CYP19A1: variants seen among roughly 807,000 people sequenced by gnomAD.
CYP19A1 encodes aromatase.
A neutral mutation model predicts 44.4 loss-of-function variants in CYP19A1; 32 were observed. The observed-to-expected ratio is 0.72, with a 90% CI of 0.54 to 0.97. The LOEUF (loss-of-function observed/expected upper bound fraction) is 0.97, where lower values mean the gene tolerates loss of function less well. CYP19A1 is among the 50% of genes least tolerant of loss of function. The pLI is 0.00. For synonymous variants in CYP19A1, 212 were observed against 215.6 expected (o/e 0.98, Z 0.14); for missense variants, 598 against 637.8 (o/e 0.94, Z 0.67).
chr15:51,233,263 G>A (rs1312027921), intron 3 of CYP19A1, among the ~76,000 whole-genome samples: 5 of 152,180 alleles, frequency 3.3e-5, no homozygotes, highest in East Asian at 3.9e-4. Context: ...TGGTTTGCCC[G>A]GGACTATGCC....
At chr15:51,268,623 T>G (rs764802495) in intron 1 of CYP19A1, among the ~76,000 whole-genome samples, 9 of 150,984 alleles carry the variant, frequency 6.0e-5, no homozygotes, top group Non-Finnish European at 8.9e-5. Flanking sequence ...AGTAAAAATC[T>G]AACAGTGGCT....
chr15:51,212,161 C>T, intron 9 of CYP19A1, 159 bp downstream of exon 9: 8 of 709,994 alleles, frequency 1.1e-5, no homozygotes, highest in South Asian at 1.1e-4. Flanking sequence ...ATACGGGAGC[C>T]CTGCTCCAAG....
chr15:51,328,944 C>T (rs948070015), intron 1 of CYP19A1, among the ~76,000 whole-genome samples: 4 of 152,224 alleles, frequency 2.6e-5, no homozygotes, highest in Non-Finnish European at 5.9e-5. Context: ...CAGATACAAA[C>T]TGAAACATTG....
chr15:51,260,123 C>T (rs964235062), intron 1 of CYP19A1, among the ~76,000 whole-genome samples: 12 of 152,214 alleles, frequency 7.9e-5, no homozygotes, highest in African/African-American at 2.7e-4. Flanking sequence ...GTGAGGCAAT[C>T]TTTCTTGTCT....
In CYP19A1 at chr15:51,326,533, T is replaced by G. The variant is rs190412960; in HGVS notation, c.-39+11962A>C. On this transcript the variant is annotated intron_variant, in intron 1 of 9. Transcript: ENST00000396402. ...ATCCCAGGGATCTAGACTTTCAATTTTCTTTATCAGATTTGTCCAAAATCA... is the reference window on the plus strand; with the variant it reads ...ATCCCAGGGATCTAGACTTTCAATTGTCTTTATCAGATTTGTCCAAAATCA... 2.0e-3 allele frequency among the ~76,000 whole-genome samples: 308 copies of G among 152,362 alleles called. 1 individual carries two copies. Among genetic ancestry groups the G allele is most frequent in the African/African-American group, 7.1e-3 (297 of 41,578 alleles).
At chr15:51,224,320 C>G (rs1157813914) in intron 4 of CYP19A1, among the ~76,000 whole-genome samples, 2 of 152,206 alleles carry the variant, frequency 1.3e-5, no homozygotes, top group African/African-American at 4.8e-5. Flanking sequence ...GGGAGTCTAA[C>G]TCCAAAAGGA....
At chr15:51,330,899 A>G (rs1307018254) in intron 1 of CYP19A1, among the ~76,000 whole-genome samples, 3 of 152,204 alleles carry the variant, frequency 2.0e-5, no homozygotes, top group African/African-American at 7.2e-5. Flanking sequence ...ATAAGTCATC[A>G]GCGACCTTGG....
intron 1 of CYP19A1, among the ~76,000 whole-genome samples, chr15:51,315,247 G>T (rs1367752081): frequency 6.6e-6 from 1 of 152,128 alleles, no homozygotes; most frequent in African/African-American, 2.4e-5. Context: ...CCGGTCAGAA[G>T]GTTATGCGTG....
At chr15:51,254,015 G>A (rs1466671229) in intron 1 of CYP19A1, among the ~76,000 whole-genome samples, 1 of 152,160 alleles carries the variant, frequency 6.6e-6, no homozygotes, top group Non-Finnish European at 1.5e-5. Context: ...GTGTTAGGAA[G>A]CAATAATATC....
intron 1 of CYP19A1, among the ~76,000 whole-genome samples, chr15:51,325,945 C>A (rs2036602168): frequency 6.6e-6 from 1 of 151,352 alleles, no homozygotes; most frequent in Non-Finnish European, 1.5e-5. Context: ...CTTACATTAG[C>A]GTACAATTAG....
At chr15:51,277,021 AAAAGAG>A (rs773039847) in intron 1 of CYP19A1, 3 of 151,850 alleles carry the variant, frequency 2.0e-5, no homozygotes, top group Non-Finnish European at 4.4e-5. Flanking sequence ...GGCACAAAAA[AAAAGAG>A]AGAGAGAGAA....
At chr15:51,282,734 C>T (rs182812715) in intron 1 of CYP19A1, among the ~76,000 whole-genome samples, 2 of 152,236 alleles carry the variant, frequency 1.3e-5, no homozygotes, top group Non-Finnish European at 2.9e-5. Context: ...GGTGAAGGAA[C>T]ACTAGAGCAT....
chr15:51,306,859 T>C (rs1486745109), intron 1 of CYP19A1, among the ~76,000 whole-genome samples: 1 of 152,182 alleles, frequency 6.6e-6, no homozygotes, highest in East Asian at 1.9e-4. Context: ...AAGCCCTTCT[T>C]GGAAGGAAGG....
At chr15:51,321,108 A>T (rs1349129499) in intron 1 of CYP19A1, 1 of 152,812 alleles carries the variant, frequency 6.5e-6, no homozygotes, top group Non-Finnish European at 1.5e-5. Context: ...TACTTCATCC[A>T]GGGCCTTGCT....
At chr15:51,309,101 C>A (rs977155321) in intron 1 of CYP19A1, among the ~76,000 whole-genome samples, 4 of 152,046 alleles carry the variant, frequency 2.6e-5, no homozygotes, top group Admixed American at 2.6e-4. Context: ...AAATTGAATC[C>A]CCAGTGTGAT....
rs571763351 is a variant in CYP19A1, at chr15:51,289,985, T to C, written c.-38-47035A>G. ...ACTAAATGCCAAGCCTACTACTGAGTGAGTGGAAGTGATATAGCAGGCCTG... is the reference window on the plus strand; with the variant it reads ...ACTAAATGCCAAGCCTACTACTGAGCGAGTGGAAGTGATATAGCAGGCCTG... On this transcript the variant is annotated intron_variant, in intron 1 of 9. Coordinates refer to ENST00000396402, the MANE Select transcript of CYP19A1 (RefSeq NM_000103.4). 2.6e-5 allele frequency among the ~76,000 whole-genome samples: 4 copies of C among 152,152 alleles called. No homozygotes were observed. The South Asian group carries it at 8.3e-4, about 32-fold the overall frequency.
At position 51,267,366 on chromosome 15, in the gene CYP19A1, C is replaced by T. The variant is rs1329020757; in HGVS notation, c.-38-24416G>A. Among the ~76,000 whole-genome samples, 3 of 152,198 alleles carry T rather than the reference C, an allele frequency of 2.0e-5. No homozygotes were observed. In the East Asian group the frequency reaches 5.8e-4, roughly 29 times the overall value. On this transcript the variant is annotated intron_variant, in intron 1 of 9. Transcript: ENST00000396402. Reference sequence around the variant, plus strand: ...CCGCGTTCAAAAAGCAGGAAAAAGCCTTTCCCTTTCTCCCGTGGTCTTTCT... The same window carrying T: ...CCGCGTTCAAAAAGCAGGAAAAAGCTTTTCCCTTTCTCCCGTGGTCTTTCT...
intron 1 of CYP19A1, among the ~76,000 whole-genome samples, chr15:51,302,773 A>C (rs1384124859): frequency 6.6e-6 from 1 of 152,196 alleles, no homozygotes; most frequent in Admixed American, 6.5e-5. Flanking sequence ...TGTCCAGCCC[A>C]CGTCTTTCTC....
rs1444668991 is a variant in CYP19A1 at position 51,274,962 on chromosome 15, G to GC, written c.-38-32013dup. ...TCATCTCACCCCCACTCTCAGGCCT[G>GC]CCCCAGCCACACCTGGGCTCTCCCT... On this transcript the variant is annotated intron_variant, in intron 1 of 9. Transcript: ENST00000396402. Among the ~76,000 whole-genome samples, 4 of 152,220 alleles carry GC rather than the reference G, an allele frequency of 2.6e-5. No homozygotes were observed. The South Asian group carries it at 6.2e-4, about 24-fold the overall frequency.
Sources: gnomAD v4.1 joint callset for allele counts (sites outside exome capture counted in the v4.1 genomes callset) on GRCh38, gnomAD v4.1.1 for gene constraint, MANE v1.5 for transcripts, NCBI Gene and HGNC (gene_info 2026-07-23, HGNC 2026-07-21) for gene names.